TCF7L2: variants seen among roughly 807,000 people sequenced by gnomAD.
TCF7L2 encodes the protein transcription factor 7-like 2.
A neutral mutation model predicts 77.9 loss-of-function variants in TCF7L2; 23 were observed. The ratio of observed to expected loss-of-function variants is 0.30; its 90% confidence interval spans 0.21 to 0.42. TCF7L2 has a LOEUF of 0.42. Among genes scored for constraint, TCF7L2 ranks in the 10% least tolerant of loss-of-function variants. The pLI is 1.00. For missense variants in TCF7L2, 654 were observed against 793.1 expected, an observed-to-expected ratio of 0.82 and a Z score of 2.11; for synonymous variants, 413 against 340.2, an observed-to-expected ratio of 1.21 and a Z score of -2.36.
intron 5 of TCF7L2, among the ~76,000 whole-genome samples, chr10:113,068,572 G>T (rs2057547565): frequency 6.6e-6 from 1 of 152,202 alleles, no homozygotes; most frequent in African/African-American, 2.4e-5. Flanking sequence ...CAGCACCAGA[G>T]TTCAAACACT....
chr10:113,148,932 G>C (rs180728095), intron 8 of TCF7L2, among the ~76,000 whole-genome samples: 1 of 152,204 alleles, frequency 6.6e-6, no homozygotes, highest in African/African-American at 2.4e-5. Context: ...GTGCCTTCCC[G>C]TGGTATTTGG....
chr10:113,139,725 T>A (rs928445469), intron 5 of TCF7L2, among the ~76,000 whole-genome samples: 7 of 151,012 alleles, frequency 4.6e-5, no homozygotes, highest in African/African-American at 1.7e-4. Flanking sequence ...ACAAAAAAGT[T>A]AAAAGCACTT....
At chr10:113,120,387 C>T (rs2064579027) in intron 5 of TCF7L2, among the ~76,000 whole-genome samples, 1 of 152,148 alleles carries the variant, frequency 6.6e-6, no homozygotes, top group Non-Finnish European at 1.5e-5. Flanking sequence ...CAATGGGAAG[C>T]AGTTTTTCAG....
At chr10:113,081,578 A>G (rs1453067719) in intron 5 of TCF7L2, among the ~76,000 whole-genome samples, 1 of 152,112 alleles carries the variant, frequency 6.6e-6, no homozygotes, top group Non-Finnish European at 1.5e-5. Flanking sequence ...CTTGCTCGCT[A>G]TTGACTTGTC....
intron 5 of TCF7L2, among the ~76,000 whole-genome samples, chr10:113,118,578 G>T (rs1328499864): frequency 6.9e-6 from 1 of 145,780 alleles, no homozygotes; most frequent in African/African-American, 2.5e-5. Context: ...CATTTGCCTG[G>T]AGTATAGTGA....
At chr10:112,992,390 C>T (rs911397300) in intron 4 of TCF7L2, among the ~76,000 whole-genome samples, 7 of 152,278 alleles carry the variant, frequency 4.6e-5, no homozygotes, top group Non-Finnish European at 7.4e-5. Context: ...CACCCAGACC[C>T]GACAGAGAGG....
At chr10:113,165,038 C>G (rs748340558) in intron 13 of TCF7L2, among the ~76,000 whole-genome samples, 23 of 152,112 alleles carry the variant, frequency 1.5e-4, no homozygotes, top group Non-Finnish European at 3.1e-4. Context: ...CTCTGTCTTT[C>G]TCTTTTAAAC....
chr10:113,150,122 C>T (rs1344378224), intron 8 of TCF7L2, among the ~76,000 whole-genome samples: 2 of 151,982 alleles, frequency 1.3e-5, no homozygotes, highest in African/African-American at 4.8e-5. Context: ...GAGAACTGTC[C>T]AAAAAATGAG....
At chr10:113,013,849 A>G (rs55899248) in intron 4 of TCF7L2, among the ~76,000 whole-genome samples, 25,320 of 152,218 alleles carry the variant, frequency 0.17, 2,600 homozygotes, top group Middle Eastern at 0.32. Flanking sequence ...ATAGGGAACC[A>G]AACAACGCCC....
chr10:112,971,254 C>T (rs1375298541), intron 4 of TCF7L2, among the ~76,000 whole-genome samples: 2 of 152,134 alleles, frequency 1.3e-5, no homozygotes, highest in East Asian at 1.9e-4. Context: ...CGTTCCCAAA[C>T]TGAGTTAGGT....
intron 3 of TCF7L2, among the ~76,000 whole-genome samples, chr10:112,959,953 A>G (rs1195243699): frequency 6.6e-6 from 1 of 150,950 alleles, no homozygotes; most frequent in Non-Finnish European, 1.5e-5. Context: ...AGTGGACCAA[A>G]AAAACTAACA....
At chr10:112,997,819 T>C (rs2043761615) in intron 4 of TCF7L2, among the ~76,000 whole-genome samples, 1 of 152,192 alleles carries the variant, frequency 6.6e-6, no homozygotes, top group Non-Finnish European at 1.5e-5. Flanking sequence ...ACTTTATGAA[T>C]TCTAGTACTG....
At chr10:113,062,069 G>A (rs1335350798) in intron 5 of TCF7L2, among the ~76,000 whole-genome samples, 2 of 152,176 alleles carry the variant, frequency 1.3e-5, no homozygotes, top group African/African-American at 2.4e-5. Flanking sequence ...GAGAGCAAAA[G>A]TGTGAGTTGT....
chr10:113,045,923 C>G (rs1187130289), intron 5 of TCF7L2, among the ~76,000 whole-genome samples: 1 of 152,160 alleles, frequency 6.6e-6, no homozygotes, highest in African/African-American at 2.4e-5. Context: ...TAAAGCAAGC[C>G]TTCGGGCACT....
intron 4 of TCF7L2, among the ~76,000 whole-genome samples, chr10:112,986,251 A>T (rs910532513): frequency 1.3e-5 from 2 of 152,070 alleles, no homozygotes; most frequent in African/African-American, 4.8e-5. Flanking sequence ...GTGAGTCAGT[A>T]GATGTTTCTC....
At chr10:113,003,223 A>G (rs2044816248) in intron 4 of TCF7L2, among the ~76,000 whole-genome samples, 1 of 151,916 alleles carries the variant, frequency 6.6e-6, no homozygotes, top group South Asian at 2.1e-4. Flanking sequence ...CCCACCTCCC[A>G]CCTTTGAGCA....
At chr10:113,083,124 A>G (rs777495460) in intron 5 of TCF7L2, among the ~76,000 whole-genome samples, 12 of 152,110 alleles carry the variant, frequency 7.9e-5, no homozygotes, top group Non-Finnish European at 1.6e-4. Flanking sequence ...GATGGTGATT[A>G]CATTCCAACT....
chr10:113,121,089 A>C (rs2064694650), intron 5 of TCF7L2, among the ~76,000 whole-genome samples: 1 of 152,246 alleles, frequency 6.6e-6, no homozygotes, highest in Non-Finnish European at 1.5e-5. Flanking sequence ...GGATTGAGGC[A>C]AAAGGAAGAG....
At chr10:112,952,316 G>C (rs1005858118) in intron 3 of TCF7L2, among the ~76,000 whole-genome samples, 1 of 152,108 alleles carries the variant, frequency 6.6e-6, no homozygotes, top group Non-Finnish European at 1.5e-5. Context: ...TGGTCCCACC[G>C]CAAACTTGGG....
Sources: gnomAD v4.1 joint callset for allele counts (sites outside exome capture counted in the v4.1 genomes callset) on GRCh38, gnomAD v4.1.1 for gene constraint, MANE v1.5 for transcripts, NCBI Gene and HGNC (gene_info 2026-07-23, HGNC 2026-07-21) for gene names.